ADGRL2: variants seen among roughly 807,000 people sequenced by gnomAD.
ADGRL2 encodes calcium-independent alpha-latrotoxin receptor 2.
In ADGRL2, 44 loss-of-function variants were observed where a neutral mutation model predicts 157.4. That is an observed-to-expected ratio of 0.28 (90% CI 0.22 to 0.36). The LOEUF is 0.36. Among genes scored for constraint, ADGRL2 ranks in the 10% least tolerant of loss-of-function variants. The pLI is 1.00. For synonymous variants in ADGRL2, 585 were observed against 624.7 expected (o/e 0.94, Z 0.95); for missense variants, 1,510 against 1,768.9 (o/e 0.85, Z 2.63).
chr1:81,768,835 T>G (rs1468013968), intron 2 of ADGRL2, among the ~76,000 whole-genome samples: 1 of 151,978 alleles, frequency 6.6e-6, no homozygotes, highest in Non-Finnish European at 1.5e-5. Context: ...AATCCCAGCA[T>G]TTTGGGAGGT....
intron 1 of ADGRL2, among the ~76,000 whole-genome samples, chr1:81,376,955 G>A (rs928715060): frequency 4.6e-5 from 7 of 152,292 alleles, no homozygotes; most frequent in Admixed American, 2.0e-4. Flanking sequence ...GAGAAACCGA[G>A]TAGGGAGGAT....
Position 81,737,765 on chromosome 1 carries a change from G to A in ADGRL2, c.-142-24046G>A, listed in dbSNP as rs2084950194. On this transcript the variant is annotated intron_variant, in intron 1 of 20. Coordinates refer to the ADGRL2 transcript ENST00000359929. ...AAGTTGATTAAATAACCAACAGAAT[G>A]GTAGCTCTGGAACTTCTGGAGTCAT... Among the ~76,000 whole-genome samples, 4 of 152,280 alleles carry A rather than the reference G, an allele frequency of 2.6e-5. No homozygotes were observed. The South Asian group carries it at 8.3e-4, about 32-fold the overall frequency.
chr1:81,335,755 T>C (rs1365151109), intron 1 of ADGRL2, among the ~76,000 whole-genome samples: 2 of 151,872 alleles, frequency 1.3e-5, no homozygotes, highest in African/African-American at 4.8e-5. Flanking sequence ...ATTCATCCCT[T>C]CCTTTAGTTA....
chr1:81,477,101 A>C (rs947542874), intron 2 of ADGRL2, among the ~76,000 whole-genome samples: 1 of 152,166 alleles, frequency 6.6e-6, no homozygotes. Context: ...CATTGCCACT[A>C]ACCCACCCTG....
chr1:81,802,481 G>T (rs919009239), intron 1 of ADGRL2, among the ~76,000 whole-genome samples: 6 of 152,124 alleles, frequency 3.9e-5, no homozygotes, highest in African/African-American at 1.4e-4. Context: ...TCCTTTTCTC[G>T]TGGAGCCATT....
At chr1:81,840,382 G>T (rs1426193883) in intron 2 of ADGRL2, among the ~76,000 whole-genome samples, 1 of 151,262 alleles carries the variant, frequency 6.6e-6, no homozygotes, top group Non-Finnish European at 1.5e-5. Flanking sequence ...ATTTTACCTT[G>T]GTACATGATT....
chr1:81,446,941 T>C (rs749990470), intron 2 of ADGRL2, among the ~76,000 whole-genome samples: 3 of 152,138 alleles, frequency 2.0e-5, no homozygotes, highest in Non-Finnish European at 4.4e-5. Flanking sequence ...GAAAATGGCA[T>C]GTTAAAGTTT....
intron 2 of ADGRL2, among the ~76,000 whole-genome samples, chr1:81,891,918 A>G (rs751950683): frequency 8.6e-5 from 13 of 151,938 alleles, no homozygotes; most frequent in Non-Finnish European, 1.5e-4. Context: ...TTTTGTAACT[A>G]GAACTTAGTC....
intron 3 of ADGRL2, among the ~76,000 whole-genome samples, chr1:81,623,749 GC>G (rs1279709172): frequency 2.0e-5 from 3 of 148,850 alleles, no homozygotes; most frequent in African/African-American, 7.5e-5. Context: ...CGATTCTCCT[GC>G]CCCAGCCTCC....
intron 2 of ADGRL2, among the ~76,000 whole-genome samples, chr1:81,786,794 T>C (rs2087070093): frequency 6.6e-6 from 1 of 152,196 alleles, no homozygotes; most frequent in Admixed American, 6.5e-5. Flanking sequence ...CTATATTGTG[T>C]TTTTATTTAA....
chr1:81,616,679 C>CTTTTTTTT (rs1164087131), intron 3 of ADGRL2, among the ~76,000 whole-genome samples: 12,910 of 105,278 alleles, frequency 0.12, 1,190 homozygotes, highest in East Asian at 0.26. Flanking sequence ...CTTTTCTTTT[C>CTTTTTTTT]TTTTTTTTTT....
intron 22 of ADGRL2, chr1:81,987,515 T>G (rs1663528061): frequency 4.9e-6 from 3 of 614,900 alleles, no homozygotes; most frequent in African/African-American, 1.8e-5. Flanking sequence ...TAGTTTTCTT[T>G]TTTCTTAAGA....
At position 81,687,692 on chromosome 1, in the gene ADGRL2, T is replaced by G. The variant is rs773033554; in HGVS notation, c.-142-74119T>G. Among the ~76,000 whole-genome samples, 10 of 152,180 alleles carry G rather than the reference T, an allele frequency of 6.6e-5. 1 individual carries two copies. The highest frequency in any genetic ancestry group is 4.4e-5 in the Non-Finnish European group (3 of 68,010). On this transcript the variant is annotated intron_variant, in intron 3 of 24. Coordinates refer to the ADGRL2 transcript ENST00000370721. ...TACATTCATTGTGCTCTTTGTTGCC[T>G]GTGTACTTTGTTTTTTTGTTTGTTT...
upstream of ADGRL2, among the ~76,000 whole-genome samples, chr1:81,799,927 G>A (rs2087804267): frequency 6.6e-6 from 1 of 152,164 alleles, no homozygotes; most frequent in African/African-American, 2.4e-5. Context: ...GGCATGCACA[G>A]GACACTTAAC....
At position 81,499,744 on chromosome 1, in the gene ADGRL2, G is replaced by T. The variant is rs149672064; in HGVS notation, c.-248+54655G>T. On this transcript the variant is annotated intron_variant, in intron 2 of 24. Coordinates refer to the ADGRL2 transcript ENST00000370721. ...CTTACCACTGCTATAAATACATGCA[G>T]AATTGGGTGTCAAAAGAAAGTATTT... Among the ~76,000 whole-genome samples, 7 of 152,254 alleles carry T rather than the reference G, an allele frequency of 4.6e-5. No individual in the cohort carries two copies. The East Asian group carries it at 1.4e-3, about 29-fold the overall frequency.
At chr1:81,986,603 A>G (rs957260882) in intron 21 of ADGRL2, among the ~76,000 whole-genome samples, 1 of 152,062 alleles carries the variant, frequency 6.6e-6, no homozygotes, top group African/African-American at 2.4e-5. Context: ...TATGCATTTA[A>G]TTGCCATTTT....
intron 1 of ADGRL2, among the ~76,000 whole-genome samples, chr1:81,319,749 T>C (rs1300243029): frequency 2.0e-5 from 3 of 152,208 alleles, no homozygotes; most frequent in Admixed American, 6.5e-5. Flanking sequence ...CCATGGACCA[T>C]ATTGTCTTCT....
At chr1:81,781,860 C>T (rs972906018) in intron 2 of ADGRL2, among the ~76,000 whole-genome samples, 33 of 152,186 alleles carry the variant, frequency 2.2e-4, no homozygotes, top group Admixed American at 7.9e-4. Flanking sequence ...TTATATTTCA[C>T]GGCCTAGGCA....
At chr1:81,724,093 C>T (rs1043384448) in intron 1 of ADGRL2, among the ~76,000 whole-genome samples, 2 of 152,056 alleles carry the variant, frequency 1.3e-5, no homozygotes, top group Non-Finnish European at 2.9e-5. Flanking sequence ...TCATTAATGG[C>T]ATAATTATAC....
Sources: gnomAD v4.1 joint callset for allele counts (sites outside exome capture counted in the v4.1 genomes callset) on GRCh38, gnomAD v4.1.1 for gene constraint, MANE v1.5 for transcripts, NCBI Gene and HGNC (gene_info 2026-07-23, HGNC 2026-07-21) for gene names.